Variants in AFG2A observed in about 807,000 individuals in gnomAD.
The protein encoded by AFG2A is AAA ATPase AFG2A, also known as ATPase family gene 2 protein homolog A.
At chr4:123,028,190 C>G in the AFG2A span, 1 of 1,612,620 alleles carries the variant, frequency 6.2e-7, no homozygotes, top group Non-Finnish European at 8.5e-7. Flanking sequence ...TTTCAGGTAT[C>G]CTGGTCAGAT....
chr4:122,927,008 C>T, the AFG2A span, among the ~76,000 whole-genome samples: 2 of 150,300 alleles, frequency 1.3e-5, no homozygotes, highest in Non-Finnish European at 3.0e-5. Context: ...AAATATGGAG[C>T]TTGGTGGGGG....
the AFG2A span, among the ~76,000 whole-genome samples, chr4:123,198,487 T>C: frequency 6.6e-6 from 1 of 152,190 alleles, no homozygotes; most frequent in South Asian, 2.1e-4. Context: ...CTGAGACCAC[T>C]ACTCTGTTTG....
At chr4:123,057,081 T>C in the AFG2A span, 3 of 862,016 alleles carry the variant, frequency 3.5e-6, no homozygotes, top group Non-Finnish European at 5.7e-6. Flanking sequence ...ACAAGGTCTA[T>C]ACAAAGTGAC....
At chr4:123,194,289 A>T in the AFG2A span, among the ~76,000 whole-genome samples, 1 of 152,198 alleles carries the variant, frequency 6.6e-6, no homozygotes, top group South Asian at 2.1e-4. Flanking sequence ...CACATAAAAA[A>T]CAAAATAACT....
chr4:123,130,150 G>C, the AFG2A span, among the ~76,000 whole-genome samples: 50 of 150,240 alleles, frequency 3.3e-4, no homozygotes, highest in Non-Finnish European at 6.8e-4. Flanking sequence ...AGGGACTATA[G>C]GTGCAGGCCA....
chr4:122,930,778 A>C, the AFG2A span, among the ~76,000 whole-genome samples: 1 of 152,196 alleles, frequency 6.6e-6, no homozygotes, highest in Admixed American at 6.5e-5. Flanking sequence ...TAATTCGTTG[A>C]CTGGAATTAG....
the AFG2A span, among the ~76,000 whole-genome samples, chr4:123,098,167 A>C: frequency 2.0e-5 from 3 of 152,172 alleles, no homozygotes; most frequent in Admixed American, 1.3e-4. Context: ...AAGTTTTTAG[A>C]AGATTAGTAG....
At chr4:123,153,387 A>C in the AFG2A span, among the ~76,000 whole-genome samples, 4 of 152,360 alleles carry the variant, frequency 2.6e-5, no homozygotes, top group Non-Finnish European at 2.9e-5. Context: ...AGAGCATCTC[A>C]CAGGGCTAGC....
chr4:123,278,502 A>T, the AFG2A span, among the ~76,000 whole-genome samples: 1 of 151,834 alleles, frequency 6.6e-6, no homozygotes, highest in Non-Finnish European at 1.5e-5. Flanking sequence ...AACCTTTGGG[A>T]TTTGTTTGCT....
At chr4:123,102,798 C>CTGTGTGTTTGTG in the AFG2A span, among the ~76,000 whole-genome samples, 1 of 141,156 alleles carries the variant, frequency 7.1e-6, no homozygotes, top group African/African-American at 2.6e-5. Context: ...TCCTGGCATT[C>CTGTGTGTTTGTG]TGTGTGTGTG....
chr4:123,085,248 A>G, the AFG2A span, among the ~76,000 whole-genome samples: 4 of 152,182 alleles, frequency 2.6e-5, no homozygotes, highest in African/African-American at 7.2e-5. Flanking sequence ...TAGTTCAACT[A>G]TGTTCTTATT....
At chr4:123,290,761 A>G in the AFG2A span, among the ~76,000 whole-genome samples, 38 of 152,246 alleles carry the variant, frequency 2.5e-4, no homozygotes, top group Middle Eastern at 3.4e-3. Flanking sequence ...TGCAGGAAAG[A>G]CCCACCCCCA....
the AFG2A span, among the ~76,000 whole-genome samples, chr4:123,255,717 A>ATTTTTT: frequency 2.3e-5 from 1 of 44,048 alleles, no homozygotes; most frequent in Non-Finnish European, 5.3e-5. Context: ...CTGCTTTTCT[A>ATTTTTT]TTTTTTTTTT....
the AFG2A span, among the ~76,000 whole-genome samples, chr4:123,221,828 G>A: frequency 0.016 from 2,387 of 152,122 alleles, 39 homozygotes; most frequent in Non-Finnish European, 0.026. Flanking sequence ...TCAGGAGGCT[G>A]AGGCAGGAGA....
At chr4:122,959,040 G>C in the AFG2A span, among the ~76,000 whole-genome samples, 16,465 of 152,162 alleles carry the variant, frequency 0.11, 999 homozygotes, top group Middle Eastern at 0.21. Flanking sequence ...GCTGATTCCT[G>C]TAGGTCCAGA....
the AFG2A span, chr4:122,933,358 C>T: frequency 9.9e-3 from 10,517 of 1,057,042 alleles, 646 homozygotes; most frequent in African/African-American, 0.14. Context: ...ATATTATAAC[C>T]ATATACATGT....
At chr4:123,093,029 C>T in the AFG2A span, among the ~76,000 whole-genome samples, 8 of 152,174 alleles carry the variant, frequency 5.3e-5, no homozygotes, top group East Asian at 7.7e-4. Context: ...AAAAGCCCTT[C>T]GCAGTAGCAC....
the AFG2A span, chr4:122,979,093 T>G: frequency 1.1e-6 from 1 of 945,446 alleles, no homozygotes; most frequent in South Asian, 1.9e-5. Context: ...CTTCGTGGAG[T>G]ATGCAGCCCT....
the AFG2A span, among the ~76,000 whole-genome samples, chr4:123,206,157 C>G: frequency 6.6e-6 from 1 of 152,230 alleles, no homozygotes; most frequent in South Asian, 2.1e-4. Context: ...TACACATGAT[C>G]AGACCTTTCT....
Sources: gnomAD v4.1 joint callset for allele counts (sites outside exome capture counted in the v4.1 genomes callset) on GRCh38, gnomAD v4.1.1 for gene constraint, MANE v1.5 for transcripts, NCBI Gene and HGNC (gene_info 2026-07-23, HGNC 2026-07-21) for gene names.